The following KDM4C variants were observed in gnomAD, a reference collection of about 807,000 sequenced individuals.
The protein encoded by KDM4C is lysine demethylase 4C.
A neutral mutation model predicts 129.3 loss-of-function variants in KDM4C; 81 were observed. The observed-to-expected ratio is 0.63, with a 90% CI of 0.52 to 0.75. KDM4C has a LOEUF of 0.75. KDM4C is among the 30% of genes least tolerant of loss of function. The pLI, the probability that KDM4C is intolerant of heterozygous loss-of-function variation, is 0.00. For synonymous variants in KDM4C, 573 were observed against 456.1 expected (o/e 1.26, Z -3.26); for missense variants, 1,457 against 1,304.0 (o/e 1.12, Z -1.81).
intron 17 of KDM4C, among the ~76,000 whole-genome samples, chr9:7,087,291 A>C (rs914508711): frequency 6.6e-6 from 1 of 151,984 alleles, no homozygotes; most frequent in African/African-American, 2.4e-5. Flanking sequence ...TTTTGAAAAA[A>C]GAAAAATATA....
chr9:7,052,354 A>T (rs952313697), intron 17 of KDM4C, among the ~76,000 whole-genome samples: 4 of 152,236 alleles, frequency 2.6e-5, no homozygotes, highest in African/African-American at 9.6e-5. Context: ...GTATGTGTAT[A>T]TGCACATAGT....
chr9:6,827,298 C>T (rs554537623), intron 4 of KDM4C, among the ~76,000 whole-genome samples: 4 of 152,322 alleles, frequency 2.6e-5, no homozygotes, highest in Admixed American at 1.3e-4. Context: ...TTCCTTCCAG[C>T]TCAGAAATGT....
chr9:7,048,627 C>CT (rs2132546053), intron 16 of KDM4C, among the ~76,000 whole-genome samples: 1 of 152,096 alleles, frequency 6.6e-6, no homozygotes, highest in African/African-American at 2.4e-5. Flanking sequence ...TTTTGGAAAA[C>CT]TTTTGCTACT....
At chr9:7,056,330 G>A (rs556648219) in intron 17 of KDM4C, among the ~76,000 whole-genome samples, 1 of 138,074 alleles carries the variant, frequency 7.2e-6, no homozygotes, top group African/African-American at 2.7e-5. Context: ...GCTTTGTAAG[G>A]TTTTTAAATA....
At chr9:6,804,532 G>T (rs1382245944) in intron 2 of KDM4C, among the ~76,000 whole-genome samples, 1 of 152,122 alleles carries the variant, frequency 6.6e-6, no homozygotes, top group Non-Finnish European at 1.5e-5. Context: ...GGCCGAGACG[G>T]GTGGATCATG....
chr9:7,129,679 C>T (rs117440224), intron 19 of KDM4C, among the ~76,000 whole-genome samples: 4 of 151,968 alleles, frequency 2.6e-5, no homozygotes, highest in Admixed American at 1.3e-4. Context: ...CTTTCTCTAC[C>T]GTGGACCCAT....
intron 17 of KDM4C, among the ~76,000 whole-genome samples, chr9:7,097,618 G>A (rs940296881): frequency 2.0e-5 from 3 of 152,198 alleles, no homozygotes; most frequent in Non-Finnish European, 4.4e-5. Context: ...CAGTAGAATG[G>A]TTTGAGGGCT....
At position 6,923,380 on chromosome 9, in the gene KDM4C, A is replaced by G. The variant is rs140272762; in HGVS notation, c.921+30148A>G. ...TAAATGTTTTTTTTTCCTTTGAGAT[A>G]CTTCATTTATACTGACTTTTTTTCT... is the stretch of plus-strand genomic sequence containing the variant. On this transcript the variant is annotated intron_variant, in intron 8 of 21. Coordinates refer to ENST00000381309, the MANE Select transcript of KDM4C (RefSeq NM_015061.6). Among the ~76,000 whole-genome samples, 389 of 152,106 alleles carry G rather than the reference A, an allele frequency of 2.6e-3. 2 individuals are homozygous for G. The highest frequency in any genetic ancestry group is 9.1e-3 in the African/African-American group (378 of 41,504).
In KDM4C at chr9:7,025,479, G is replaced by A. The variant is rs1825657782; in HGVS notation, c.2259+9550G>A. Among the ~76,000 whole-genome samples the A allele has an allele frequency of 2.0e-5, 3 of 151,994 alleles. No individual in the cohort carries two copies. In the South Asian group the frequency reaches 6.2e-4, roughly 32 times the overall value. Reference sequence around the variant, plus strand: ...TTTATTGAAGGTGATTTTGTCTTGTGGTATGATTTAATTTCTTCCTTTTTA... The same window carrying A: ...TTTATTGAAGGTGATTTTGTCTTGTAGTATGATTTAATTTCTTCCTTTTTA... On this transcript the variant is annotated intron_variant, in intron 15 of 21. Coordinates refer to ENST00000381309, the MANE Select transcript of KDM4C (RefSeq NM_015061.6).
intron 18 of KDM4C, 61 bp downstream of exon 18, chr9:7,103,931 A>G: frequency 7.0e-7 from 1 of 1,430,648 alleles, no homozygotes. Flanking sequence ...CCTGTTTTAG[A>G]CTACCTCCCA....
chr9:6,912,052 A>T (rs185549866), intron 8 of KDM4C, among the ~76,000 whole-genome samples: 2 of 152,270 alleles, frequency 1.3e-5, no homozygotes, highest in East Asian at 3.9e-4. Context: ...TTCTCCCAGG[A>T]GGTTGGCACA....
At chr9:6,912,255 G>A (rs962199062) in intron 8 of KDM4C, among the ~76,000 whole-genome samples, 2 of 152,082 alleles carry the variant, frequency 1.3e-5, no homozygotes, top group African/African-American at 4.8e-5. Flanking sequence ...CTCCTCCCCA[G>A]ACTAACGAAT....
At chr9:6,981,215 A>G in intron 9 of KDM4C, 97 bp downstream of exon 9, 1 of 912,018 alleles carries the variant, frequency 1.1e-6, no homozygotes. Flanking sequence ...TTTTCTATTT[A>G]TTCATCATAA....
At chr9:7,008,397 T>C (rs970813531) in intron 12 of KDM4C, among the ~76,000 whole-genome samples, 1 of 152,112 alleles carries the variant, frequency 6.6e-6, no homozygotes, top group African/African-American at 2.4e-5. Context: ...AGCCTCCAAG[T>C]CTGCCTCAAC....
intron 19 of KDM4C, among the ~76,000 whole-genome samples, chr9:7,140,801 C>G (rs777380103): frequency 1.3e-5 from 2 of 152,122 alleles, no homozygotes; most frequent in African/African-American, 4.8e-5. Flanking sequence ...GAGTGACATA[C>G]GCAGCATGTA....
chr9:7,087,284 T>TG (rs397934760), intron 17 of KDM4C, among the ~76,000 whole-genome samples: 8 of 151,228 alleles, frequency 5.3e-5, no homozygotes, highest in Non-Finnish European at 8.8e-5. Flanking sequence ...CTTTTTTTTT[T>TG]GAAAAAAGAA....
intron 12 of KDM4C, among the ~76,000 whole-genome samples, chr9:7,008,306 G>T (rs1822046940): frequency 6.6e-6 from 1 of 152,096 alleles, no homozygotes; most frequent in Non-Finnish European, 1.5e-5. Flanking sequence ...CCAGTGTCAG[G>T]CCATCTCTCA....
chr9:7,042,085 G>T (rs146672806), intron 15 of KDM4C, among the ~76,000 whole-genome samples: 30 of 152,096 alleles, frequency 2.0e-4, no homozygotes, highest in Admixed American at 7.2e-4. Flanking sequence ...TTAATCTTGT[G>T]CATGTTTAAC....
At chr9:6,925,102 C>A in intron 8 of KDM4C, 4 of 985,376 alleles carry the variant, frequency 4.1e-6, no homozygotes, top group Non-Finnish European at 4.8e-6. Flanking sequence ...CTAGTACAGA[C>A]CATGCATTTT....
Sources: gnomAD v4.1 joint callset for allele counts (sites outside exome capture counted in the v4.1 genomes callset) on GRCh38, gnomAD v4.1.1 for gene constraint, MANE v1.5 for transcripts, NCBI Gene and HGNC (gene_info 2026-07-23, HGNC 2026-07-21) for gene names.